The following SLC30A9 variants were observed in gnomAD, a reference collection of about 807,000 sequenced individuals.
The protein encoded by SLC30A9 is solute carrier family 30 member 9.
SLC30A9 carries 58 observed loss-of-function variants against 87.5 expected under a neutral mutation model. That is an observed-to-expected ratio of 0.66 (90% CI 0.54 to 0.82). The LOEUF is 0.82. Ranked by LOEUF, SLC30A9 falls within the 40% of genes least tolerant of loss-of-function variation. SLC30A9 has a pLI of 0.00. For missense variants in SLC30A9, 557 were observed against 679.1 expected (o/e 0.82, Z 2.00); for synonymous variants, 234 against 233.0 (o/e 1.00, Z -0.04).
intron 14 of SLC30A9, among the ~76,000 whole-genome samples, chr4:42,068,348 A>G (rs914685421): frequency 2.0e-5 from 3 of 151,992 alleles, no homozygotes; most frequent in Admixed American, 1.3e-4. Context: ...GGTTCAAGCA[A>G]TTCTCCTGCC....
chr4:42,013,452 A>G (rs1715539354), intron 2 of SLC30A9, among the ~76,000 whole-genome samples: 1 of 152,218 alleles, frequency 6.6e-6, no homozygotes, highest in African/African-American at 2.4e-5. Flanking sequence ...ACCAGATTTC[A>G]AATTATACTA....
chr4:42,089,948 C>G lies in SLC30A9; in HGVS notation c.*3822C>G, dbSNP rs1369460924. On this transcript the variant is annotated 3_prime_UTR_variant, in exon 18 of 18. Transcript: ENST00000264451. ...TTTTGGTATATGGCTTTCAGTGTTA[C>G]CTTATCTCATAATTTAGGTAATGAT... The G allele has an allele frequency of 6.6e-6, 1 of 152,148 alleles. No homozygotes were observed. Among genetic ancestry groups the G allele is most frequent in the African/African-American group, 2.4e-5 (1 of 41,418 alleles). 9.4% of individuals were successfully genotyped at this position (152,148 alleles called of 1,614,324 possible). A position where few individuals can be genotyped will look rare whatever the true frequency, so the allele number is the denominator to read the frequency against.
At chr4:42,051,439 G>T (rs543649734) in intron 9 of SLC30A9, among the ~76,000 whole-genome samples, 27 of 152,166 alleles carry the variant, frequency 1.8e-4, no homozygotes, top group Non-Finnish European at 3.2e-4. Context: ...AGAAAAATCA[G>T]TCGGAAGCAG....
Position 42,022,926 on chromosome 4 carries a change from G to A in SLC30A9, c.523G>A (p.Ala175Thr), listed in dbSNP as rs149913785. 2 of 1,539,294 alleles carry A rather than the reference G, an allele frequency of 1.3e-6. No individual in the cohort carries two copies. Among genetic ancestry groups the A allele is most frequent in the African/African-American group, 1.4e-5 (1 of 73,076 alleles). The change falls in exon 5 of 18, where the codon GCA becomes ACA. Residue 175 changes from alanine to threonine, a missense_variant. Around this residue, in one of 2 missense-constraint regions of SLC30A9, gnomAD observed 467 missense variants for 529.8 expected, o/e 0.88. Coordinates refer to ENST00000264451, the MANE Select transcript of SLC30A9 (RefSeq NM_006345.4). ...FTVYLRSDVE[A>T]KSLEVWGSPE... Reference sequence around the variant, plus strand: ...TGTATACTTGAGATCAGATGTGGAAGCAAAGTAAGAACATAGTTCTTTCAG... The same window carrying A: ...TGTATACTTGAGATCAGATGTGGAAACAAAGTAAGAACATAGTTCTTTCAG...
At chr4:42,041,317 A>T (rs574817868) in intron 8 of SLC30A9, among the ~76,000 whole-genome samples, 15 of 151,964 alleles carry the variant, frequency 9.9e-5, no homozygotes, top group African/African-American at 3.6e-4. Context: ...ACGGAATCTC[A>T]CTCTGTCGCC....
chr4:42,082,861 A>C lies in SLC30A9; in HGVS notation c.1663-3221A>C, dbSNP rs866079531. ...AGACTCCATCTCAAAAAAAAAAAAA[A>C]AAATTCTAGAACTTTTGTATAGTTA... is the stretch of plus-strand genomic sequence containing the variant. On this transcript the variant is annotated intron_variant, in intron 17 of 17. Transcript: ENST00000264451. Among the ~76,000 whole-genome samples, 18 of 152,202 alleles carry C rather than the reference A, an allele frequency of 1.2e-4. No individual in the cohort carries two copies. In the Middle Eastern group the frequency reaches 0.01, roughly 86 times the overall value.
intron 17 of SLC30A9, among the ~76,000 whole-genome samples, chr4:42,079,077 T>C (rs1330238008): frequency 6.6e-6 from 1 of 152,122 alleles, no homozygotes; most frequent in Non-Finnish European, 1.5e-5. Flanking sequence ...TTTGTTAATA[T>C]TATAGTTCAT....
At chr4:42,083,559 T>G in intron 17 of SLC30A9, among the ~76,000 whole-genome samples, 1 of 152,232 alleles carries the variant, frequency 6.6e-6, no homozygotes, top group Non-Finnish European at 1.5e-5. Context: ...TTGATTAGTT[T>G]ACTCTGAAAA....
chr4:42,008,771 G>GT (rs777420721), intron 2 of SLC30A9, among the ~76,000 whole-genome samples: 6 of 152,306 alleles, frequency 3.9e-5, no homozygotes, highest in Admixed American at 6.5e-5. Flanking sequence ...TTTCACAGGG[G>GT]AAGATTTTAC....
intron 9 of SLC30A9, among the ~76,000 whole-genome samples, chr4:42,058,922 G>A (rs1348036431): frequency 6.6e-6 from 1 of 152,152 alleles, no homozygotes; most frequent in Non-Finnish European, 1.5e-5. Flanking sequence ...TGAATTTCCT[G>A]TCATTCTCTT....
chr4:42,078,212 G>A lies in SLC30A9; in HGVS notation c.1549G>A (p.Glu517Lys). 7.0e-7 allele frequency: 1 copy of A among 1,423,362 alleles called. No homozygotes were observed. The highest frequency in any genetic ancestry group is 9.6e-7 in the Non-Finnish European group (1 of 1,036,354). 88.2% of individuals were successfully genotyped at this position (1,423,362 alleles called of 1,614,324 possible). Residue 517 changes from glutamate to lysine, a missense_variant and splice_region_variant, in exon 17 of 18, where the codon GAA becomes AAA. Physicochemically the swap from Glu to Lys is moderately conservative, Grantham distance 56 (BLOSUM62 1). Around this residue, in one of 2 missense-constraint regions of SLC30A9, gnomAD observed 90 missense variants for 149.4 expected, o/e 0.60. Coordinates refer to ENST00000264451, the MANE Select transcript of SLC30A9 (RefSeq NM_006345.4). ...TTTCCTGTTTTCATTTTCTTTATAG[G>A]AAATTCAAGAAGTGAAAACTCCTGA... The part of the protein sequence containing the change: ...EKQDFDQMLQ[E>K]IQEVKTPEEL...
intron 9 of SLC30A9, among the ~76,000 whole-genome samples, chr4:42,058,451 A>G (rs1717713726): frequency 6.6e-6 from 1 of 152,036 alleles, no homozygotes; most frequent in African/African-American, 2.4e-5. Flanking sequence ...AGCCCTCCAA[A>G]CTGTTCCAAC....
chr4:42,067,963 A>G (rs1477029859), intron 14 of SLC30A9, among the ~76,000 whole-genome samples: 2 of 152,164 alleles, frequency 1.3e-5, no homozygotes, highest in Non-Finnish European at 1.5e-5. Context: ...GCAAGCCTAC[A>G]TATTTGTGGT....
intron 12 of SLC30A9, among the ~76,000 whole-genome samples, chr4:42,065,754 A>T (rs963509975): frequency 1.4e-4 from 22 of 152,220 alleles, no homozygotes; most frequent in Admixed American, 9.8e-4. Flanking sequence ...TACAGTTTTC[A>T]CTTTGCAAGC....
intron 6 of SLC30A9, among the ~76,000 whole-genome samples, chr4:42,028,869 G>A (rs1716300660): frequency 6.6e-6 from 1 of 152,182 alleles, no homozygotes. Context: ...ATCAAACACT[G>A]AGTGGCTTAG....
intron 7 of SLC30A9, among the ~76,000 whole-genome samples, chr4:42,036,031 A>G (rs1266306760): frequency 2.0e-5 from 3 of 152,180 alleles, no homozygotes; most frequent in African/African-American, 7.2e-5. Flanking sequence ...TGGAGAAGAA[A>G]ATTACACAGC....
At chr4:42,023,541 A>T (rs1445697658) in intron 6 of SLC30A9, among the ~76,000 whole-genome samples, 157 bp downstream of exon 6, 1 of 152,244 alleles carries the variant, frequency 6.6e-6, no homozygotes, top group Non-Finnish European at 1.5e-5. Flanking sequence ...TTATTTCACA[A>T]AAACAGGAAC....
In SLC30A9 at chr4:42,066,591, CG is replaced by C. The variant is rs1718086640; in HGVS notation, c.1117del (p.Ala373LeufsTer10). 1 of 1,604,638 alleles carries C rather than the reference CG, an allele frequency of 6.2e-7. No individual in the cohort carries two copies. Among genetic ancestry groups the C allele is most frequent in the Admixed American group, 1.7e-5 (1 of 59,308 alleles). On this transcript the variant is annotated frameshift_variant, in exon 13 of 18. Transcript: ENST00000264451. LOFTEE classifies it high-confidence loss of function. ...VAVNELRRNA[R>X]AKGMSFYKYV... ...TGTAAATGAACTTCGTAGGAATGCTCGGGCTAAAGGAATGTCATTTTACAAG... is the reference window on the plus strand; with the variant it reads ...TGTAAATGAACTTCGTAGGAATGCTCGGCTAAAGGAATGTCATTTTACAAG...
intron 1 of SLC30A9, among the ~76,000 whole-genome samples, chr4:41,998,920 A>C (rs552146509): frequency 6.6e-6 from 1 of 152,284 alleles, no homozygotes; most frequent in East Asian, 1.9e-4. Context: ...ATGAATGCCA[A>C]ATGTGTACTT....
Sources: gnomAD v4.1 joint callset for allele counts (sites outside exome capture counted in the v4.1 genomes callset) on GRCh38, gnomAD v4.1.1 for gene constraint, gnomAD v4.1.1 regional missense constraint, MANE v1.5 for transcripts, NCBI Gene and HGNC (gene_info 2026-07-23, HGNC 2026-07-21) for gene names.